Variants in EYA1 observed in about 807,000 individuals in gnomAD.
EYA1 encodes the protein protein phosphatase EYA1.
A neutral mutation model predicts 82.0 loss-of-function variants in EYA1; 16 were observed. The ratio of observed to expected loss-of-function variants is 0.20; its 90% confidence interval spans 0.13 to 0.30. The LOEUF (loss-of-function observed/expected upper bound fraction) is 0.30, where lower values mean the gene tolerates loss of function less well. Among genes scored for constraint, EYA1 ranks in the 10% least tolerant of loss-of-function variants. EYA1 has a pLI of 1.00. For missense variants in EYA1, 633 were observed against 730.7 expected (o/e 0.87, Z 1.54); for synonymous variants, 261 against 264.4 (o/e 0.99, Z 0.12).
At chr8:71,510,966 A>T (rs1812553361) in intron 2 of EYA1, among the ~76,000 whole-genome samples, 1 of 151,984 alleles carries the variant, frequency 6.6e-6, no homozygotes, top group Non-Finnish European at 1.5e-5. Flanking sequence ...TTTCTCCTTC[A>T]TATCCTCTCT....
At chr8:71,470,093 C>T (rs1396848492) in intron 2 of EYA1, among the ~76,000 whole-genome samples, 2 of 152,050 alleles carry the variant, frequency 1.3e-5, no homozygotes, top group Admixed American at 6.6e-5. Context: ...GTAACTAACA[C>T]TGGGAAAGTG....
intron 2 of EYA1, among the ~76,000 whole-genome samples, chr8:71,399,854 A>G (rs1829851075): frequency 6.6e-6 from 1 of 152,182 alleles, no homozygotes; most frequent in Non-Finnish European, 1.5e-5. Context: ...AATCCTAAGC[A>G]AAAAGAACAA....
In EYA1 at chr8:71,490,946, C is replaced by G. The variant is rs1189573184; in HGVS notation, c.33+44798G>C. Reference sequence around the variant, plus strand: ...GCTACTTCAATTGGATACACTTAATCCTTCTTGGGAGGAAGATCATATAAA... The same window carrying G: ...GCTACTTCAATTGGATACACTTAATGCTTCTTGGGAGGAAGATCATATAAA... On this transcript the variant is annotated intron_variant, in intron 2 of 18. Transcript: ENST00000643681. 2.0e-5 allele frequency among the ~76,000 whole-genome samples: 3 copies of G among 152,130 alleles called. No homozygotes were observed. The East Asian group carries it at 5.8e-4, about 29-fold the overall frequency.
intron 11 of EYA1, among the ~76,000 whole-genome samples, chr8:71,264,233 T>C (rs1458841069): frequency 6.6e-6 from 1 of 152,118 alleles, no homozygotes; most frequent in Non-Finnish European, 1.5e-5. Context: ...TGGAAGAAAA[T>C]CCTCCACCAA....
intron 2 of EYA1, among the ~76,000 whole-genome samples, chr8:71,468,051 A>G (rs1808906464): frequency 1.3e-5 from 2 of 152,152 alleles, no homozygotes; most frequent in African/African-American, 4.8e-5. Flanking sequence ...TGCAGAACTG[A>G]GCTAGACTAC....
intron 9 of EYA1, among the ~76,000 whole-genome samples, chr8:71,275,244 A>C (rs1484481452): frequency 1.3e-5 from 2 of 152,186 alleles, no homozygotes; most frequent in African/African-American, 4.8e-5. Flanking sequence ...TCAATAACTA[A>C]GTGGATAAGG....
chr8:71,377,281 G>A (rs551677230), intron 2 of EYA1, among the ~76,000 whole-genome samples: 1 of 152,198 alleles, frequency 6.6e-6, no homozygotes, highest in East Asian at 1.9e-4. Flanking sequence ...TCCCACCAAG[G>A]TACCAGATAT....
intron 9 of EYA1, among the ~76,000 whole-genome samples, chr8:71,294,249 G>A (rs1283561605): frequency 6.6e-5 from 10 of 152,118 alleles, no homozygotes; most frequent in Non-Finnish European, 1.5e-5. Flanking sequence ...CACGAGGTCA[G>A]GAGATCGAGA....
chr8:71,478,027 C>G (rs1447496562), intron 2 of EYA1, among the ~76,000 whole-genome samples: 5 of 152,006 alleles, frequency 3.3e-5, no homozygotes, highest in African/African-American at 1.2e-4. Context: ...GGAGCTAGGA[C>G]AAGAGAGGAA....
intron 2 of EYA1, among the ~76,000 whole-genome samples, chr8:71,384,813 G>A (rs1029854997): frequency 1.1e-4 from 17 of 152,044 alleles, no homozygotes; most frequent in African/African-American, 2.9e-4. Flanking sequence ...TAGATGAAAT[G>A]CATCTTACTC....
intron 4 of EYA1, among the ~76,000 whole-genome samples, chr8:71,329,028 T>C (rs1278681996): frequency 3.9e-5 from 6 of 152,194 alleles, no homozygotes; most frequent in Non-Finnish European, 8.8e-5. Context: ...TCTGTTCTCA[T>C]AGGGCTACAG....
At chr8:71,524,499 C>T (rs1330279099) in intron 2 of EYA1, among the ~76,000 whole-genome samples, 2 of 152,076 alleles carry the variant, frequency 1.3e-5, no homozygotes, top group Non-Finnish European at 2.9e-5. Context: ...ATATGCAAAG[C>T]ATAAAATTTT....
intron 7 of EYA1, among the ~76,000 whole-genome samples, chr8:71,305,424 T>C (rs1820619161): frequency 7.1e-6 from 1 of 141,834 alleles, no homozygotes; most frequent in South Asian, 2.3e-4. Flanking sequence ...GATACCTTCT[T>C]ACTCATTGGT....
chr8:71,445,600 G>A (rs1456660228), intron 2 of EYA1, among the ~76,000 whole-genome samples: 1 of 152,138 alleles, frequency 6.6e-6, no homozygotes, highest in African/African-American at 2.4e-5. Context: ...TTGGGACTTT[G>A]ATTTGTGTTG....
At chr8:71,433,891 T>C (rs1430862311) in intron 2 of EYA1, among the ~76,000 whole-genome samples, 1 of 152,212 alleles carries the variant, frequency 6.6e-6, no homozygotes, top group African/African-American at 2.4e-5. Flanking sequence ...TGGAAACACT[T>C]CTGGCTGTAG....
chr8:71,229,647 A>G (rs947484401), intron 12 of EYA1, among the ~76,000 whole-genome samples: 3 of 152,200 alleles, frequency 2.0e-5, no homozygotes, highest in African/African-American at 7.2e-5. Flanking sequence ...TTGTGGAAAT[A>G]AATAATTTTG....
At chr8:71,269,425 G>A (rs535088874) in intron 11 of EYA1, among the ~76,000 whole-genome samples, 4 of 152,042 alleles carry the variant, frequency 2.6e-5, no homozygotes, top group Non-Finnish European at 4.4e-5. Context: ...AAGAGAACAC[G>A]AAACATCTTT....
At chr8:71,505,084 C>G (rs948343360) in intron 2 of EYA1, among the ~76,000 whole-genome samples, 2 of 152,182 alleles carry the variant, frequency 1.3e-5, no homozygotes, top group Non-Finnish European at 2.9e-5. Context: ...ACCACCATGC[C>G]TACCTGCCTC....
intron 1 of EYA1, among the ~76,000 whole-genome samples, chr8:71,543,052 A>G (rs1276048577): frequency 6.6e-6 from 1 of 152,112 alleles, no homozygotes; most frequent in Non-Finnish European, 1.5e-5. Context: ...GAAGCTCTCT[A>G]GATCCCACTT....
Sources: gnomAD v4.1 joint callset for allele counts (sites outside exome capture counted in the v4.1 genomes callset) on GRCh38, gnomAD v4.1.1 for gene constraint, MANE v1.5 for transcripts, NCBI Gene and HGNC (gene_info 2026-07-23, HGNC 2026-07-21) for gene names.